The following PCDH17 variants were observed in gnomAD, a reference collection of about 807,000 sequenced individuals.
PCDH17 encodes the protein protocadherin-17.
PCDH17 carries 21 observed loss-of-function variants against 67.7 expected under a neutral mutation model. The ratio of observed to expected loss-of-function variants is 0.31; its 90% CI spans 0.22 to 0.45. PCDH17 has a LOEUF of 0.45. Ranked by LOEUF, PCDH17 falls within the 20% of genes least tolerant of loss-of-function variation. The pLI is 1.00. For synonymous variants in PCDH17, 701 were observed against 656.7 expected, an observed-to-expected ratio of 1.07 and a Z score of -1.03; for missense variants, 1,471 against 1,564.8, an observed-to-expected ratio of 0.94 and a Z score of 1.01.
At chr13:57,721,828 A>G (rs1487737490) in intron 3 of PCDH17, among the ~76,000 whole-genome samples, 1 of 151,800 alleles carries the variant, frequency 6.6e-6, no homozygotes, top group Non-Finnish European at 1.5e-5. Flanking sequence ...TTGCCCAACC[A>G]GTCATTCATT....
At chr13:57,692,913 C>G (rs894417319) in intron 3 of PCDH17, among the ~76,000 whole-genome samples, 7 of 150,938 alleles carry the variant, frequency 4.6e-5, no homozygotes, top group African/African-American at 1.7e-4. Context: ...TTTATTTGAA[C>G]TTGTTTTAGA....
intron 3 of PCDH17, among the ~76,000 whole-genome samples, chr13:57,690,208 T>C (rs1837278306): frequency 2.0e-5 from 3 of 151,750 alleles, no homozygotes; most frequent in Admixed American, 6.6e-5. Context: ...ATATTTAGAC[T>C]AGCATCCTAT....
At chr13:57,636,080 C>A (rs1265873389) in intron 1 of PCDH17, among the ~76,000 whole-genome samples, 1 of 152,134 alleles carries the variant, frequency 6.6e-6, no homozygotes, top group Non-Finnish European at 1.5e-5. Context: ...GATAATACCA[C>A]AAAACTAAAT....
intron 3 of PCDH17, among the ~76,000 whole-genome samples, chr13:57,670,745 T>C (rs575139792): frequency 1.1e-4 from 17 of 151,952 alleles, no homozygotes; most frequent in African/African-American, 4.1e-4. Context: ...TTAGGCCTTT[T>C]GAGATTTTAT....
chr13:57,679,385 G>T (rs1955426612), intron 3 of PCDH17, among the ~76,000 whole-genome samples: 1 of 150,774 alleles, frequency 6.6e-6, no homozygotes, highest in Non-Finnish European at 1.5e-5. Context: ...AGTATAAGGG[G>T]TGATGGACTA....
At chr13:57,704,972 G>A (rs1006277752) in intron 3 of PCDH17, among the ~76,000 whole-genome samples, 13 of 151,922 alleles carry the variant, frequency 8.6e-5, no homozygotes, top group African/African-American at 2.2e-4. Flanking sequence ...TATACGTAAT[G>A]TAGAATTTCT....
In PCDH17 at chr13:57,634,449, C is replaced by T. The variant is rs1748340446; in HGVS notation, c.1903C>T (p.Leu635=). The change falls in exon 1 of 4, where the codon CTG becomes TTG. Residue 635 remains leucine (L), a synonymous_variant. Coordinates refer to ENST00000377918, the MANE Select transcript of PCDH17 (RefSeq NM_001040429.3). The surrounding 1 kb of genome is among the most constrained non-coding windows in gnomAD (Gnocchi z 7.8). The part of the protein sequence containing the change: ...YEIVDGNDDH[L]FEIDPSSGEI... ...GATCGTGGACGGCAACGACGACCAC[C>T]TGTTTGAGATCGACCCGTCCAGCGG... 1 of 1,612,832 alleles carries T rather than the reference C, an allele frequency of 6.2e-7. No individual in the cohort carries two copies. Among genetic ancestry groups the T allele is most frequent in the African/African-American group, 1.3e-5 (1 of 74,984 alleles).
At chr13:57,640,783 A>G (rs1954881331) in intron 1 of PCDH17, among the ~76,000 whole-genome samples, 1 of 152,044 alleles carries the variant, frequency 6.6e-6, no homozygotes, top group Non-Finnish European at 1.5e-5. Flanking sequence ...CAGGAGGAAG[A>G]AGAAGCCACT....
chr13:57,717,666 A>G (rs1049214152), intron 3 of PCDH17, among the ~76,000 whole-genome samples: 4 of 152,038 alleles, frequency 2.6e-5, no homozygotes, highest in East Asian at 3.9e-4. Flanking sequence ...ATGCAGGTGC[A>G]TGCTAGAGGA....
intron 1 of PCDH17, among the ~76,000 whole-genome samples, chr13:57,639,893 A>G (rs572473760): frequency 2.0e-5 from 3 of 151,976 alleles, no homozygotes; most frequent in African/African-American, 7.2e-5. Context: ...TTACATTACC[A>G]CCTTTGACTA....
intron 3 of PCDH17, among the ~76,000 whole-genome samples, chr13:57,695,624 C>T (rs1471676877): frequency 6.6e-6 from 1 of 151,078 alleles, no homozygotes; most frequent in Non-Finnish European, 1.5e-5. Context: ...ATTTATAATT[C>T]CCTCCGCAAA....
chr13:57,718,475 G>T (rs1955842651), intron 3 of PCDH17, among the ~76,000 whole-genome samples: 1 of 151,968 alleles, frequency 6.6e-6, no homozygotes, highest in African/African-American at 2.4e-5. Flanking sequence ...GGACATAGAA[G>T]TCATAAGTGG....
chr13:57,632,571 T>C lies in PCDH17; in HGVS notation c.25T>C (p.Phe9Leu). 2.5e-6 allele frequency: 4 copies of C among 1,613,880 alleles called. No individual in the cohort carries two copies. The highest frequency in any genetic ancestry group is 3.4e-6 in the Non-Finnish European group (4 of 1,179,878). Residue 9 changes from phenylalanine (F) to leucine (L), a missense_variant, in exon 1 of 4, where the codon TTT (phenylalanine) becomes CTT (leucine). Coordinates refer to ENST00000377918, the MANE Select transcript of PCDH17 (RefSeq NM_001040429.3). ...GATGTACCTTTCCATCTGTTGCTGC[T>C]TTCTTCTATGGGCCCCTGCCCTCAC... is the stretch of plus-strand genomic sequence containing the variant. MYLSICCC[F>L]LLWAPALTLK...
intron 1 of PCDH17, among the ~76,000 whole-genome samples, chr13:57,646,463 T>C (rs938519528): frequency 6.6e-6 from 1 of 151,726 alleles, no homozygotes; most frequent in Admixed American, 6.6e-5. Context: ...TATTATTTAG[T>C]ACTTTTAAGC....
chr13:57,692,364 T>C (rs1018873320), intron 3 of PCDH17, among the ~76,000 whole-genome samples: 4 of 151,316 alleles, frequency 2.6e-5, no homozygotes, highest in South Asian at 2.1e-4. Flanking sequence ...TAATTTACTT[T>C]AAAGTTTTAC....
chr13:57,635,000 G>T lies in PCDH17; in HGVS notation c.2454G>T (p.Pro818=). ...SPRSEVMYLK[P]ASNNLTVPQG... ...GGTCGGAGGTGATGTATCTCAAACC[G>T]GCCTCCAACAACCTGACTGTCCCTC... The change falls in exon 1 of 4, where the codon CCG becomes CCT. Residue 818 remains proline (P), a synonymous_variant. Transcript: ENST00000377918. This position sits in a 1 kb window ranked among gnomAD's most constrained non-coding sequence, Gnocchi z 7.8. 3 of 1,613,694 alleles carry T rather than the reference G, an allele frequency of 1.9e-6. No individual in the cohort carries two copies. Among genetic ancestry groups the T allele is most frequent in the Non-Finnish European group, 1.7e-6 (2 of 1,180,002 alleles).
At chr13:57,631,010 C>T (rs1954712264), upstream of PCDH17, among the ~76,000 whole-genome samples, 1 of 152,054 alleles carries the variant, frequency 6.6e-6, no homozygotes, top group Admixed American at 6.5e-5. Context: ...CCGCCGCGGC[C>T]GCAGCTCTGC....
At position 57,667,108 on chromosome 13, in the gene PCDH17, T is replaced by C. The variant is rs187759724; in HGVS notation, c.2797+275T>C. ...TTATTTCATAGACATTTCCCACCCT[T>C]TCCTATTTGGGGTTATACTAACAAG... On this transcript the variant is annotated intron_variant, in intron 3 of 3. Coordinates refer to ENST00000377918, the MANE Select transcript of PCDH17 (RefSeq NM_001040429.3). Among the ~76,000 whole-genome samples, 29 of 152,264 alleles carry C rather than the reference T, an allele frequency of 1.9e-4. No individual in the cohort carries two copies. In the East Asian group the frequency reaches 5.6e-3, roughly 29 times the overall value.
intron 3 of PCDH17, among the ~76,000 whole-genome samples, chr13:57,695,995 G>A (rs1948834040): frequency 6.6e-6 from 1 of 151,262 alleles, no homozygotes; most frequent in African/African-American, 2.4e-5. Context: ...TTTGGATTCA[G>A]GACCCTCATT....
Sources: allele counts gnomAD v4.1 joint callset (sites outside exome capture counted in the v4.1 genomes callset), GRCh38; gene constraint gnomAD v4.1.1; non-coding constraint Gnocchi (gnomAD v3.1); transcripts MANE v1.5; gene names NCBI Gene and HGNC (gene_info 2026-07-23, HGNC 2026-07-21).